Variants in DNAH14 observed in about 807,000 individuals in gnomAD.
DNAH14 encodes the protein axonemal beta dynein heavy chain 14.
A neutral mutation model predicts 520.9 loss-of-function variants in DNAH14; 478 were observed. The observed-to-expected ratio is 0.92, with a 90% CI of 0.85 to 0.99. The LOEUF is 0.99. Ranked by LOEUF, DNAH14 falls within the 50% of genes least tolerant of loss-of-function variation. The pLI is 0.00. For missense variants in DNAH14, 4,831 were observed against 5,234.5 expected (o/e 0.92, Z 2.38); for synonymous variants, 1,581 against 1,757.2 (o/e 0.90, Z 2.51).
At chr1:225,106,269 TTCCC>T (rs1174583242) in intron 23 of DNAH14, among the ~76,000 whole-genome samples, 2 of 151,796 alleles carry the variant, frequency 1.3e-5, no homozygotes, top group African/African-American at 4.9e-5. Flanking sequence ...TGTGATGGGC[TTCCC>T]TTTGTGGATA....
chr1:225,261,996 C>T (rs2092950384), intron 46 of DNAH14, among the ~76,000 whole-genome samples: 1 of 151,798 alleles, frequency 6.6e-6, no homozygotes, highest in Non-Finnish European at 1.5e-5. Flanking sequence ...AATTTTAAGT[C>T]GATTTTTTTT....
chr1:225,361,698 T>TA (rs1356432978), intron 75 of DNAH14, among the ~76,000 whole-genome samples: 1 of 152,214 alleles, frequency 6.6e-6, no homozygotes, highest in Non-Finnish European at 1.5e-5. Flanking sequence ...ACTCATGAGT[T>TA]ATCAGATTGT....
intron 41 of DNAH14, among the ~76,000 whole-genome samples, chr1:225,211,999 T>C (rs1327878998): frequency 6.6e-6 from 1 of 151,970 alleles, no homozygotes; most frequent in Admixed American, 6.6e-5. Flanking sequence ...GTTGGTGTGC[T>C]GCACCTGTTA....
chr1:225,211,007 C>G (rs1011100401), intron 41 of DNAH14, among the ~76,000 whole-genome samples: 1 of 152,222 alleles, frequency 6.6e-6, no homozygotes, highest in East Asian at 1.9e-4. Flanking sequence ...AGGTCACCAG[C>G]ATCAAAGACC....
intron 10 of DNAH14, among the ~76,000 whole-genome samples, chr1:225,015,471 T>C (rs1447367980): frequency 1.3e-5 from 2 of 152,144 alleles, no homozygotes; most frequent in East Asian, 3.9e-4. Flanking sequence ...TACTAGTGAG[T>C]TTTATAGTTT....
chr1:225,394,798 C>T (rs919770659), intron 84 of DNAH14, among the ~76,000 whole-genome samples: 25 of 149,700 alleles, frequency 1.7e-4, no homozygotes, highest in African/African-American at 6.2e-4. Flanking sequence ...GAGCAGAGAT[C>T]GTGCTACTGC....
intron 71 of DNAH14, among the ~76,000 whole-genome samples, chr1:225,347,981 G>A (rs1020485656): frequency 6.6e-6 from 1 of 152,078 alleles, no homozygotes; most frequent in African/African-American, 2.4e-5. Flanking sequence ...AATAAAGTCA[G>A]TTAAATGATG....
chr1:225,049,772 A>AT (rs747163385), intron 15 of DNAH14, among the ~76,000 whole-genome samples: 1,437 of 114,628 alleles, frequency 0.013, 16 homozygotes, highest in African/African-American at 0.034. Flanking sequence ...CTATCTATCT[A>AT]CCTATCTATC....
At chr1:225,342,162 A>G (rs1558463462) in intron 69 of DNAH14, among the ~76,000 whole-genome samples, 1 of 152,240 alleles carries the variant, frequency 6.6e-6, no homozygotes, top group South Asian at 2.1e-4. Flanking sequence ...CTGTAGTAAA[A>G]CAAATTAAAA....
At chr1:225,307,591 T>C (rs1363987826) in intron 59 of DNAH14, 22 bp downstream of exon 59, 12 of 1,501,238 alleles carry the variant, frequency 8.0e-6, no homozygotes, top group Non-Finnish European at 9.8e-6. Context: ...TTGAAATCTC[T>C]TTTAAAGATT....
chr1:224,973,923 T>C (rs1309889140), intron 7 of DNAH14, among the ~76,000 whole-genome samples, 168 bp from the exon 8 acceptor site: 1 of 152,162 alleles, frequency 6.6e-6, no homozygotes, highest in Non-Finnish European at 1.5e-5. Context: ...TATATTCTGT[T>C]GATAGTTTGG....
chr1:225,360,657 A>G, intron 74 of DNAH14, 24 bp from the exon 75 acceptor site: 1 of 1,535,178 alleles, frequency 6.5e-7, no homozygotes, highest in East Asian at 2.4e-5. Flanking sequence ...ACAGTTTTAT[A>G]TACCTCTCCA....
At chr1:225,322,942 C>A in intron 62 of DNAH14, 119 bp downstream of exon 62, 1 of 1,039,094 alleles carries the variant, frequency 9.6e-7, no homozygotes, top group Non-Finnish European at 1.3e-6. Context: ...AGGAAAATAG[C>A]TCTATTCTTC....
chr1:225,336,690 A>C (rs914399199), intron 66 of DNAH14, among the ~76,000 whole-genome samples: 1 of 152,216 alleles, frequency 6.6e-6, no homozygotes, highest in Admixed American at 6.5e-5. Flanking sequence ...GAACATTGCC[A>C]AAATTGGCCA....
At chr1:225,046,751 C>T (rs2067999139) in intron 15 of DNAH14, among the ~76,000 whole-genome samples, 1 of 151,900 alleles carries the variant, frequency 6.6e-6, no homozygotes, top group African/African-American at 2.4e-5. Context: ...TCTCTTTTTT[C>T]CTTGGAAATT....
intron 31 of DNAH14, among the ~76,000 whole-genome samples, chr1:225,149,900 C>G (rs2080320248): frequency 6.6e-6 from 1 of 152,150 alleles, no homozygotes; most frequent in African/African-American, 2.4e-5. Flanking sequence ...ATTTCTTTCT[C>G]TTGCCTGATT....
intron 55 of DNAH14, 88 bp downstream of exon 55, chr1:225,290,170 CAAG>C (rs1435800451): frequency 2.1e-6 from 2 of 955,680 alleles, no homozygotes; most frequent in East Asian, 2.9e-5. Context: ...GAAAAGAAAA[CAAG>C]AAAATATTTA....
chr1:225,092,583 C>T (rs2074494920), intron 21 of DNAH14, among the ~76,000 whole-genome samples: 1 of 151,754 alleles, frequency 6.6e-6, no homozygotes, highest in Non-Finnish European at 1.5e-5. Context: ...AAAGAAAGAG[C>T]TCAAATTAAC....
chr1:225,333,576 GT>G, intron 66 of DNAH14, 70 bp downstream of exon 66: 3 of 1,374,520 alleles, frequency 2.2e-6, no homozygotes, highest in Non-Finnish European at 3.0e-6. Context: ...TGTATGTGTA[GT>G]TTCGGCCTTG....
Sources: allele counts gnomAD v4.1 joint callset (sites outside exome capture counted in the v4.1 genomes callset), GRCh38; gene constraint gnomAD v4.1.1; transcripts MANE v1.5; gene names NCBI Gene and HGNC (gene_info 2026-07-23, HGNC 2026-07-21).